Variants in MYOCD observed in about 807,000 individuals in gnomAD.
MYOCD encodes the protein myocardin.
Under a neutral mutation model 96.1 loss-of-function variants are expected in MYOCD, and 32 were observed. The observed-to-expected ratio is 0.33, with a 90% CI of 0.25 to 0.45. The LOEUF is 0.45. Among genes scored for constraint, MYOCD ranks in the 20% least tolerant of loss-of-function variants. MYOCD has a pLI of 1.00. For missense variants in MYOCD, 1,133 were observed against 1,200.6 expected (o/e 0.94, Z 0.83); for synonymous variants, 469 against 469.0 (o/e 1.00, Z 0.00).
At chr17:12,712,486 G>T (rs2031510978) in intron 2 of MYOCD, among the ~76,000 whole-genome samples, 1 of 152,178 alleles carries the variant, frequency 6.6e-6, no homozygotes, top group Non-Finnish European at 1.5e-5. Context: ...TCCACGACCT[G>T]TCTTCTCCTT....
intron 1 of MYOCD, among the ~76,000 whole-genome samples, chr17:12,680,755 G>A (rs185267645): frequency 5.6e-3 from 852 of 152,268 alleles, no homozygotes; most frequent in Non-Finnish European, 9.5e-3. Flanking sequence ...GTCAGTTGCC[G>A]AGTTTCTGTT....
At chr17:12,762,959 G>A (rs527286496) in intron 13 of MYOCD, 114 bp from the exon 14 acceptor site, 29 of 802,966 alleles carry the variant, frequency 3.6e-5, no homozygotes, top group Admixed American at 5.1e-5. Context: ...ACTGGGTGGT[G>A]AGCGGTGACC....
intron 9 of MYOCD, among the ~76,000 whole-genome samples, chr17:12,749,707 G>GTGTATATATATACACATA (rs147211245): frequency 3.8e-4 from 51 of 135,738 alleles, no homozygotes; most frequent in East Asian, 3.3e-3. Flanking sequence ...GTATACATAT[G>GTGTATATATATACACATA]TGTATATATA....
chr17:12,681,902 A>G (rs1024803208), intron 1 of MYOCD, among the ~76,000 whole-genome samples: 1 of 152,216 alleles, frequency 6.6e-6, no homozygotes, highest in Non-Finnish European at 1.5e-5. Flanking sequence ...TGGTCAGTGA[A>G]TACAACAGAT....
intron 13 of MYOCD, chr17:12,762,866 G>A: frequency 1.8e-6 from 1 of 564,680 alleles, no homozygotes; most frequent in Non-Finnish European, 3.1e-6. Context: ...AATAATCACA[G>A]AGTGGAATTC....
Position 12,739,301 on chromosome 17 carries a change from C to T in MYOCD, c.690C>T (p.Thr230=), listed in dbSNP as rs2032437796. 3 of 1,606,744 alleles carry T rather than the reference C, an allele frequency of 1.9e-6. No homozygotes were observed. The highest frequency in any genetic ancestry group is 2.5e-6 in the Non-Finnish European group (3 of 1,177,004). ...AGCAGGGGCTTGGCCCCCCCAGCAC[C>T]CCCATAGCCGTGCATGCTGCTGTAA... ...AGKQGLGPPS[T]PIAVHAAVKS... Residue 230 remains threonine (T), a synonymous_variant, in exon 7 of 14, where the codon ACC becomes ACT. Coordinates refer to ENST00000425538, the MANE Select transcript of MYOCD (RefSeq NM_001146312.3).
intron 1 of MYOCD, among the ~76,000 whole-genome samples, chr17:12,675,348 T>C (rs1909953400): frequency 6.6e-6 from 1 of 152,080 alleles, no homozygotes; most frequent in Non-Finnish European, 1.5e-5. Flanking sequence ...ATGCCTAACC[T>C]AAAAAAGATG....
chr17:12,732,615 G>A (rs1001327507), intron 5 of MYOCD, among the ~76,000 whole-genome samples: 22 of 152,162 alleles, frequency 1.4e-4, no homozygotes, highest in African/African-American at 5.1e-4. Flanking sequence ...TCACACCTCA[G>A]CTTGTCTCTG....
chr17:12,673,518 T>A (rs938220877), intron 1 of MYOCD, among the ~76,000 whole-genome samples: 1 of 152,154 alleles, frequency 6.6e-6, no homozygotes, highest in Non-Finnish European at 1.5e-5. Context: ...TTCCCCCAAG[T>A]GAGTATATAG....
intron 1 of MYOCD, among the ~76,000 whole-genome samples, chr17:12,703,850 A>AT (rs2031182655): frequency 6.6e-6 from 1 of 151,968 alleles, no homozygotes; most frequent in Non-Finnish European, 1.5e-5. Context: ...CCATTCAATA[A>AT]TTTTTTATTC....
At chr17:12,743,534 C>G (rs569362548) in intron 7 of MYOCD, among the ~76,000 whole-genome samples, 1 of 140,480 alleles carries the variant, frequency 7.1e-6, no homozygotes, top group South Asian at 2.3e-4. Context: ...CTCTTGTTGC[C>G]CAGGCTGGAG....
rs745908467 is a variant in MYOCD, at chr17:12,744,324, G to A, written c.859G>A (p.Ala287Thr). 5.0e-6 allele frequency: 8 copies of A among 1,614,146 alleles called. No individual in the cohort carries two copies. The highest frequency in any genetic ancestry group is 3.3e-5 in the Admixed American group (2 of 60,004). ...CCCTCCACCTATGGACTCAGCCTACGCTCGGCTGCTCCAGCAACAGCAGCT... is the reference window on the plus strand; with the variant it reads ...CCCTCCACCTATGGACTCAGCCTACACTCGGCTGCTCCAGCAACAGCAGCT... ...KSPPPMDSAY[A>T]RLLQQQQLFL... The change falls in exon 8 of 14, where the codon GCT becomes ACT. Residue 287 changes from alanine to threonine, a missense_variant. Transcript: ENST00000425538.
chr17:12,706,341 A>G (rs1233656238), intron 2 of MYOCD, among the ~76,000 whole-genome samples: 2 of 152,234 alleles, frequency 1.3e-5, no homozygotes, highest in Admixed American at 6.5e-5. Flanking sequence ...GAGCAAGTCT[A>G]TGTGTGGCCT....
rs1469030402 is a variant in MYOCD at position 12,680,014 on chromosome 17, G to A, written c.55+13771G>A. Among the ~76,000 whole-genome samples, 3 of 152,294 alleles carry A rather than the reference G, an allele frequency of 2.0e-5. No individual in the cohort carries two copies. The East Asian group carries it at 5.8e-4, about 29-fold the overall frequency. On this transcript the variant is annotated intron_variant, in intron 1 of 13. Coordinates refer to ENST00000425538, the MANE Select transcript of MYOCD (RefSeq NM_001146312.3). The stretch of plus-strand genomic sequence containing the variant: ...AATTTTCTATAATGAACACGCACTT[G>A]TTTTATAGTCAGAAAAGGCAATACA...
intron 4 of MYOCD, among the ~76,000 whole-genome samples, chr17:12,722,029 GATA>G (rs1438478168): frequency 6.6e-6 from 1 of 152,162 alleles, no homozygotes; most frequent in Non-Finnish European, 1.5e-5. Context: ...TTAGCAGGTT[GATA>G]ATAATAAAAT....
At chr17:12,688,505 C>T (rs1227464388) in intron 1 of MYOCD, among the ~76,000 whole-genome samples, 1 of 139,696 alleles carries the variant, frequency 7.2e-6, no homozygotes, top group African/African-American at 2.8e-5. Flanking sequence ...TCCTTTTTTC[C>T]TTCCATCTCC....
chr17:12,710,257 T>C (rs549717384), intron 2 of MYOCD, among the ~76,000 whole-genome samples: 6 of 152,182 alleles, frequency 3.9e-5, no homozygotes, highest in Non-Finnish European at 5.9e-5. Flanking sequence ...AGGGGAGAGA[T>C]GAAAGAAGGT....
intron 7 of MYOCD, among the ~76,000 whole-genome samples, chr17:12,741,536 C>T (rs890462216): frequency 2.0e-5 from 3 of 151,942 alleles, no homozygotes; most frequent in South Asian, 2.1e-4. Flanking sequence ...GGTGAAACCC[C>T]GTCTCTACCA....
intron 1 of MYOCD, among the ~76,000 whole-genome samples, chr17:12,703,874 G>T (rs898993334): frequency 6.6e-6 from 1 of 151,400 alleles, no homozygotes; most frequent in South Asian, 2.1e-4. Flanking sequence ...ATATTGTATT[G>T]TTAAGTTTTA....
Sources: gnomAD v4.1 joint callset for allele counts (sites outside exome capture counted in the v4.1 genomes callset) on GRCh38, gnomAD v4.1.1 for gene constraint, MANE v1.5 for transcripts, NCBI Gene and HGNC (gene_info 2026-07-23, HGNC 2026-07-21) for gene names.